Variants in FBXL16 observed in about 807,000 individuals in gnomAD.
The protein encoded by FBXL16 is F-box and leucine rich repeat protein 16, also known as F-box/LRR-repeat protein 16.
A neutral mutation model predicts 36.7 loss-of-function variants in FBXL16; 7 were observed. The observed-to-expected ratio is 0.19, with a 90% CI of 0.11 to 0.36. The LOEUF (loss-of-function observed/expected upper bound fraction) is 0.36, where lower values mean the gene tolerates loss of function less well. Ranked by LOEUF, FBXL16 falls within the 10% of genes least tolerant of loss-of-function variation. The pLI is 1.00. For missense variants in FBXL16, 463 were observed against 659.4 expected, an observed-to-expected ratio of 0.70 and a Z score of 3.26; for synonymous variants, 355 against 308.7, an observed-to-expected ratio of 1.15 and a Z score of -1.57.
rs781012746 is a variant in FBXL16, at chr16:695,584, G to T, written c.973C>A (p.Leu325Ile). The T allele has an allele frequency of 6.2e-7, 1 of 1,605,870 alleles. No individual in the cohort carries two copies. The highest frequency in any genetic ancestry group is 8.5e-7 in the Non-Finnish European group (1 of 1,179,052). The change falls in exon 3 of 6, where the codon CTC (leucine) becomes ATC (isoleucine). Residue 325 changes from leucine to isoleucine, a missense_variant. Physicochemically the swap from Leu to Ile is conservative, Grantham distance 5 (BLOSUM62 2). Transcript: ENST00000397621. ...VVHSLPNLTA[L>I]SLSGCSKVTD... ...ACCTTGGAGCAGCCCGAGAGGCTGA[G>T]CGCGGTGAGGTTGGGCAGGCTGTGC...
In FBXL16 at chr16:696,246, T is replaced by TATTTATTTATTC. The variant is rs10664962; in HGVS notation, c.634-324_634-323insGAATAAATAAAT. Among the ~76,000 whole-genome samples the TATTTATTTATTC allele has an allele frequency of 5.0e-3, 758 of 150,544 alleles. 5 individuals are homozygous for TATTTATTTATTC. The highest frequency in any genetic ancestry group is 9.0e-3 in the African/African-American group (367 of 41,002). The stretch of plus-strand genomic sequence containing the variant: ...ATTTGTATTTATTTATTTATTTATT[T>TATTTATTTATTC]ATTCATTCATTCATTCAATCATTTT... On this transcript the variant is annotated intron_variant, in intron 2 of 5. Coordinates refer to ENST00000397621, the MANE Select transcript of FBXL16 (RefSeq NM_153350.4).
chr16:703,751 C>T (rs1036203557), intron 1 of FBXL16, among the ~76,000 whole-genome samples: 4 of 152,258 alleles, frequency 2.6e-5, no homozygotes, highest in Non-Finnish European at 5.9e-5. Flanking sequence ...CAAGAGAAAC[C>T]CGTGTTGCTG....
chr16:701,687 G>C (rs968483779), intron 1 of FBXL16, among the ~76,000 whole-genome samples: 6 of 152,138 alleles, frequency 3.9e-5, no homozygotes, highest in Non-Finnish European at 8.8e-5. Context: ...GCGACTGTGA[G>C]AGCCCTCGTT....
At chr16:703,869 C>T (rs55646514) in intron 1 of FBXL16, among the ~76,000 whole-genome samples, 6,228 of 152,342 alleles carry the variant, frequency 0.041, 438 homozygotes, top group African/African-American at 0.14. Context: ...AGCCCCTGCT[C>T]GGAAGAGCAT....
intron 1 of FBXL16, among the ~76,000 whole-genome samples, chr16:699,182 A>C (rs1444765000): frequency 2.6e-5 from 4 of 152,220 alleles, no homozygotes; most frequent in African/African-American, 9.6e-5. Flanking sequence ...TGGTGAAGCC[A>C]AAGTTCGGGC....
At chr16:705,197 G>A (rs149512442) in intron 1 of FBXL16, among the ~76,000 whole-genome samples, 248 of 152,306 alleles carry the variant, frequency 1.6e-3, no homozygotes, top group African/African-American at 5.8e-3. Context: ...GGCGCCCGGG[G>A]TGGAGGCCGG....
chr16:701,707 G>T (rs571085836), intron 1 of FBXL16, among the ~76,000 whole-genome samples: 3 of 152,296 alleles, frequency 2.0e-5, no homozygotes, highest in African/African-American at 7.2e-5. Flanking sequence ...TCCACCCAGA[G>T]GGGCTCGGAC....
chr16:703,346 TCCCCCATCTCTGGTG>T (rs1041111204), intron 1 of FBXL16, among the ~76,000 whole-genome samples: 12 of 152,052 alleles, frequency 7.9e-5, no homozygotes, highest in African/African-American at 2.4e-4. Flanking sequence ...GAAGGTCTCT[TCCCCCATCTCTGGTG>T]CCCCCATCTC....
intron 1 of FBXL16, among the ~76,000 whole-genome samples, chr16:703,225 C>T (rs1389074912): frequency 6.6e-6 from 1 of 152,208 alleles, no homozygotes; most frequent in Non-Finnish European, 1.5e-5. Flanking sequence ...TGCAGGGTCC[C>T]TGCCACGGCG....
chr16:694,801 C>T, intron 4 of FBXL16, 104 bp from the exon 5 acceptor site: 3 of 1,357,282 alleles, frequency 2.2e-6, no homozygotes, highest in East Asian at 2.5e-5. Context: ...GGGGTTCCTC[C>T]GTCCCCCCCG....
At chr16:694,845 G>C in intron 4 of FBXL16, 147 bp downstream of exon 4, 1 of 1,249,668 alleles carries the variant, frequency 8.0e-7, no homozygotes, top group Non-Finnish European at 1.1e-6. Flanking sequence ...GCTCGTGGGG[G>C]CCGCCGGGAC....
chr16:700,433 A>C, intron 1 of FBXL16, among the ~76,000 whole-genome samples: 1 of 151,986 alleles, frequency 6.6e-6, no homozygotes, highest in Non-Finnish European at 1.5e-5. Context: ...CAACGTTTGC[A>C]AGGGCCGGCT....
At chr16:696,647 G>A (rs1264064992) in intron 2 of FBXL16, 126 bp downstream of exon 2, 6 of 484,940 alleles carry the variant, frequency 1.2e-5, no homozygotes, top group South Asian at 9.8e-5. Context: ...TTCGCTTTGC[G>A]CGAGGTCCCC....
chr16:700,835 G>A (rs570956189), intron 1 of FBXL16, among the ~76,000 whole-genome samples: 2 of 152,114 alleles, frequency 1.3e-5, no homozygotes, highest in Non-Finnish European at 2.9e-5. Context: ...GGCCAGGCCC[G>A]GGCTGGCTTC....
chr16:705,431 G>T (rs1194463050), intron 1 of FBXL16, 81 bp downstream of exon 1: 3 of 59,404 alleles, frequency 5.1e-5, no homozygotes, highest in African/African-American at 1.8e-4. Flanking sequence ...CCCCCACCCC[G>T]CCCCCTCCTC....
In FBXL16 at chr16:695,882, C is replaced by A; in HGVS notation, c.675G>T (p.Leu225=). 1 of 1,599,962 alleles carries A rather than the reference C, an allele frequency of 6.3e-7. No homozygotes were observed. Among genetic ancestry groups the A allele is most frequent in the Non-Finnish European group, 8.5e-7 (1 of 1,170,418 alleles). ...CCTCGGTGAAGTCGTTGCAGCCCGA[C>A]AGCTCCAGACGCACCACGCCCTGCA... ...EQMQGVVRLE[L]SGCNDFTEAG... Residue 225 remains leucine, a synonymous_variant, in exon 3 of 6, where the codon CTG becomes CTT. Coordinates refer to ENST00000397621, the MANE Select transcript of FBXL16 (RefSeq NM_153350.4).
Position 695,917 on chromosome 16 carries a change from G to T in FBXL16, c.640C>A (p.Leu214Ile). 7 of 1,579,802 alleles carry T rather than the reference G, an allele frequency of 4.4e-6. No homozygotes were observed. The highest frequency in any genetic ancestry group is 6.0e-6 in the Non-Finnish European group (7 of 1,157,918). ...TITDAGLEVMLEQMQGVVRLE... is the reference protein window; with the variant it reads ...TITDAGLEVMIEQMQGVVRLE... ...CGCACCACGCCCTGCATCTGTTCAA[G>T]CATAACCTGCAGGCGGGCGGGCGCC... The change falls in exon 3 of 6, where the codon CTT becomes ATT. Residue 214 changes from leucine to isoleucine, a missense_variant. Leu to Ile is a conservative substitution (Grantham distance 5). This residue lies in a region of FBXL16 where 263 missense variants were observed against 341.1 expected (regional missense o/e 0.77). Transcript: ENST00000397621.
chr16:694,213 G>A lies in FBXL16; in HGVS notation c.*62C>T, dbSNP rs2039992580. ...GCAAGGCGGGAAGAGGGGGCTCGGC[G>A]GCGCCCCGCGCCCCCGCCCAGGTCA... On this transcript the variant is annotated 3_prime_UTR_variant, in exon 6 of 6. Coordinates refer to ENST00000397621, the MANE Select transcript of FBXL16 (RefSeq NM_153350.4). 2.5e-6 allele frequency: 3 copies of A among 1,195,114 alleles called. No homozygotes were observed. The highest frequency in any genetic ancestry group is 3.2e-6 in the Non-Finnish European group (3 of 944,636). The allele number at this position is 1,195,114 out of a possible 1,614,324, so 74.0% of individuals were successfully genotyped here.
chr16:705,010 T>C (rs1396379933), intron 1 of FBXL16, among the ~76,000 whole-genome samples: 1 of 152,062 alleles, frequency 6.6e-6, no homozygotes, highest in Admixed American at 6.5e-5. Flanking sequence ...ACCAGGAAGG[T>C]GCCAGCCTCC....
Sources: allele counts gnomAD v4.1 joint callset (sites outside exome capture counted in the v4.1 genomes callset), GRCh38; gene constraint gnomAD v4.1.1; regional missense constraint gnomAD v4.1.1; transcripts MANE v1.5; gene names NCBI Gene and HGNC (gene_info 2026-07-23, HGNC 2026-07-21).